TLK2: variants seen among roughly 807,000 people sequenced by gnomAD.
TLK2 encodes serine/threonine-protein kinase tousled-like 2.
A neutral mutation model predicts 117.3 loss-of-function variants in TLK2; 6 were observed. The observed-to-expected ratio is 0.05, with a 90% CI of 0.03 to 0.10. The LOEUF is 0.10. Among genes scored for constraint, TLK2 ranks in the 10% least tolerant of loss-of-function variants. The pLI is 1.00. For synonymous variants in TLK2, 257 were observed against 316.7 expected, an observed-to-expected ratio of 0.81 and a Z score of 2.00; for missense variants, 299 against 901.2, an observed-to-expected ratio of 0.33 and a Z score of 8.56.
chr17:62,522,425 C>T (rs2076106229), intron 4 of TLK2, 152 bp downstream of exon 4: 2 of 888,762 alleles, frequency 2.3e-6, no homozygotes, highest in Non-Finnish European at 3.4e-6. Context: ...TTATTACAGA[C>T]TTGCCATTTG....
chr17:62,504,670 T>C (rs769486212), intron 2 of TLK2, among the ~76,000 whole-genome samples: 1 of 151,988 alleles, frequency 6.6e-6, no homozygotes, highest in Non-Finnish European at 1.5e-5. Context: ...AAGCCGGACA[T>C]GGCGGCATGA....
chr17:62,479,869 A>G (rs890167395), intron 1 of TLK2, among the ~76,000 whole-genome samples: 28 of 152,284 alleles, frequency 1.8e-4, no homozygotes, highest in African/African-American at 6.5e-4. Context: ...AGAGACTGCA[A>G]CCTTTGCCAT....
At chr17:62,509,751 G>A (rs1483333494) in intron 2 of TLK2, among the ~76,000 whole-genome samples, 5 of 152,270 alleles carry the variant, frequency 3.3e-5, no homozygotes, top group Admixed American at 6.5e-5. Context: ...GCTTGATGGC[G>A]TAACCTTGTC....
chr17:62,591,815 G>GT (rs2147010625), intron 16 of TLK2, among the ~76,000 whole-genome samples: 1 of 152,146 alleles, frequency 6.6e-6, no homozygotes, highest in African/African-American at 2.4e-5. Context: ...AAACATCACT[G>GT]TTTTTTAGTT....
intron 2 of TLK2, among the ~76,000 whole-genome samples, chr17:62,494,667 G>A (rs1187085901): frequency 6.6e-6 from 1 of 152,004 alleles, no homozygotes; most frequent in African/African-American, 2.4e-5. Flanking sequence ...GCCTCCCAAA[G>A]TGCTGGGATT....
chr17:62,521,550 G>T (rs1237464355), intron 3 of TLK2, among the ~76,000 whole-genome samples: 1 of 152,058 alleles, frequency 6.6e-6, no homozygotes, highest in Non-Finnish European at 1.5e-5. Context: ...GTGCCACCGT[G>T]CCTGGCTAAT....
At chr17:62,537,151 T>C (rs1275047465) in intron 7 of TLK2, among the ~76,000 whole-genome samples, 4 of 152,220 alleles carry the variant, frequency 2.6e-5, no homozygotes, top group African/African-American at 4.8e-5. Context: ...TGTCCAGTTA[T>C]AATTTAAGTT....
At chr17:62,571,018 G>T (rs895345953) in intron 11 of TLK2, among the ~76,000 whole-genome samples, 1 of 152,030 alleles carries the variant, frequency 6.6e-6, no homozygotes, top group Non-Finnish European at 1.5e-5. Context: ...CCCTGAAAAG[G>T]GTAGAAATGA....
intron 2 of TLK2, among the ~76,000 whole-genome samples, chr17:62,504,825 T>C (rs1336094451): frequency 4.6e-5 from 7 of 152,006 alleles, no homozygotes; most frequent in Non-Finnish European, 7.4e-5. Context: ...TGTATATATA[T>C]AGTGCTAATT....
At chr17:62,560,825 T>C (rs1380260464) in intron 10 of TLK2, among the ~76,000 whole-genome samples, 1 of 152,062 alleles carries the variant, frequency 6.6e-6, no homozygotes, top group Non-Finnish European at 1.5e-5. Context: ...GGCCAATTTT[T>C]GTATTTTTTT....
chr17:62,508,752 G>T (rs2074920102), intron 2 of TLK2, among the ~76,000 whole-genome samples: 1 of 152,212 alleles, frequency 6.6e-6, no homozygotes, highest in Admixed American at 6.5e-5. Flanking sequence ...CGGATCACCT[G>T]AAGTCAGGAG....
chr17:62,574,604 C>T (rs117105007), intron 12 of TLK2, among the ~76,000 whole-genome samples: 1 of 151,862 alleles, frequency 6.6e-6, no homozygotes, highest in East Asian at 1.9e-4. Context: ...TGAAACCTGT[C>T]TTCTGGGTTC....
At chr17:62,503,197 C>G (rs1261658332) in intron 2 of TLK2, among the ~76,000 whole-genome samples, 32 of 151,210 alleles carry the variant, frequency 2.1e-4, no homozygotes, top group Admixed American at 2.0e-3. Flanking sequence ...GCAGCTGGGA[C>G]TACAGGCACA....
At chr17:62,495,468 G>T (rs1409065029) in intron 2 of TLK2, among the ~76,000 whole-genome samples, 6 of 151,408 alleles carry the variant, frequency 4.0e-5, no homozygotes, top group Non-Finnish European at 7.4e-5. Context: ...AGGCTGGAGT[G>T]CAGTGGCGCA....
At chr17:62,582,337 T>C (rs2081283512) in intron 15 of TLK2, among the ~76,000 whole-genome samples, 1 of 152,188 alleles carries the variant, frequency 6.6e-6, no homozygotes, top group African/African-American at 2.4e-5. Context: ...CCCCTCAGTC[T>C]TCCAAAGTGC....
In TLK2 at chr17:62,559,385, AT is replaced by A. The variant is rs986709514; in HGVS notation, c.721-620del. ...GTAGTTTATTTTTTTTTTATTTTTTATTTTTTTTTTTGAGATGAAGTCTTAC... is the reference window on the plus strand; with the variant it reads ...GTAGTTTATTTTTTTTTTATTTTTTATTTTTTTTTTGAGATGAAGTCTTAC... On this transcript the variant is annotated intron_variant, in intron 9 of 21. Transcript: ENST00000346027. Among the ~76,000 whole-genome samples, 884 of 143,006 alleles carry A rather than the reference AT, an allele frequency of 6.2e-3. 6 individuals carry two copies. The highest frequency in any genetic ancestry group is 0.021 in the African/African-American group (807 of 39,006). The allele number at this position is 143,006 out of a possible 152,430, so 93.8% of individuals were successfully genotyped here. A position where few individuals can be genotyped will look rare whatever the true frequency, so the allele number is the denominator to read the frequency against.
rs753718783 is a variant in TLK2, at chr17:62,560,008, C to T, written c.721-8C>T. On this transcript the variant is annotated splice_region_variant and splice_polypyrimidine_tract_variant and intron_variant, in intron 9 of 21. Coordinates refer to ENST00000346027, the MANE Select transcript of TLK2 (RefSeq NM_006852.6). ...TGGAGCTAATTAAAAATTTTTTTCT[C>T]ATTGAAGGCCAACTGTGATTTGAGA... The T allele has an allele frequency of 2.2e-5, 35 of 1,587,548 alleles. No individual in the cohort carries two copies. In the South Asian group the frequency reaches 3.8e-4, roughly 17 times the overall value.
chr17:62,522,530 C>T (rs181005738), intron 4 of TLK2, among the ~76,000 whole-genome samples: 4 of 152,274 alleles, frequency 2.6e-5, no homozygotes, highest in African/African-American at 9.6e-5. Flanking sequence ...TTTTTCTTTA[C>T]ACCAAATATA....
intron 7 of TLK2, among the ~76,000 whole-genome samples, chr17:62,542,341 G>A (rs1317941346): frequency 2.0e-5 from 3 of 152,124 alleles, no homozygotes; most frequent in Non-Finnish European, 4.4e-5. Flanking sequence ...GGCTGGTCTT[G>A]AACCATCCTC....
Sources: allele counts gnomAD v4.1 joint callset (sites outside exome capture counted in the v4.1 genomes callset), GRCh38; gene constraint gnomAD v4.1.1; transcripts MANE v1.5; gene names NCBI Gene and HGNC (gene_info 2026-07-23, HGNC 2026-07-21).